ZDHHC14: variants seen among roughly 807,000 people sequenced by gnomAD.
ZDHHC14 encodes zDHHC palmitoyltransferase 14, also known as palmitoyltransferase ZDHHC14.
A neutral mutation model predicts 47.7 loss-of-function variants in ZDHHC14; 16 were observed. That is an observed-to-expected ratio of 0.34 (90% CI 0.23 to 0.51). The LOEUF is 0.51. Ranked by LOEUF, ZDHHC14 falls within the 20% of genes least tolerant of loss-of-function variation. The pLI is 0.97. For synonymous variants in ZDHHC14, 293 were observed against 278.9 expected, an observed-to-expected ratio of 1.05 and a Z score of -0.50; for missense variants, 515 against 662.5, an observed-to-expected ratio of 0.78 and a Z score of 2.44.
intron 1 of ZDHHC14, among the ~76,000 whole-genome samples, chr6:157,394,701 A>G (rs1181683441): frequency 6.6e-6 from 1 of 152,204 alleles, no homozygotes; most frequent in Non-Finnish European, 1.5e-5. Context: ...CGCTCTGCCT[A>G]AATTGTAGAG....
At chr6:157,584,710 C>T (rs1406715914) in intron 2 of ZDHHC14, among the ~76,000 whole-genome samples, 4 of 152,130 alleles carry the variant, frequency 2.6e-5, no homozygotes, top group African/African-American at 7.2e-5. Context: ...GCCCACATGC[C>T]GCACAGCCCC....
At chr6:157,431,380 GCTAA>G (rs1442056647) in intron 1 of ZDHHC14, among the ~76,000 whole-genome samples, 1 of 152,176 alleles carries the variant, frequency 6.6e-6, no homozygotes. Context: ...TCTTTGTTGG[GCTAA>G]CTGTGTACTT....
Position 157,619,146 on chromosome 6 carries a change from C to A in ZDHHC14, c.566-9203C>A, listed in dbSNP as rs368216002. Among the ~76,000 whole-genome samples the A allele has an allele frequency of 9.9e-5, 15 of 151,770 alleles. No homozygotes were observed. In the South Asian group the frequency reaches 3.1e-3, roughly 32 times the overall value. On this transcript the variant is annotated intron_variant, in intron 3 of 8. Transcript: ENST00000359775. Reference sequence around the variant, plus strand: ...TAAAAAACAGGATTTATGGGGAGGCCGAGGCAGGTGGATCACTTGAGATCA... The same window carrying A: ...TAAAAAACAGGATTTATGGGGAGGCAGAGGCAGGTGGATCACTTGAGATCA...
At chr6:157,389,712 A>T (rs180943836) in intron 1 of ZDHHC14, among the ~76,000 whole-genome samples, 32 of 152,334 alleles carry the variant, frequency 2.1e-4, no homozygotes, top group African/African-American at 6.7e-4. Flanking sequence ...ATCTCCAAAT[A>T]ATAGTATTAT....
intron 3 of ZDHHC14, among the ~76,000 whole-genome samples, chr6:157,615,490 C>T (rs764365779): frequency 6.6e-6 from 1 of 152,114 alleles, no homozygotes; most frequent in Non-Finnish European, 1.5e-5. Context: ...AATGTGTAGA[C>T]ACAATTGACT....
intron 1 of ZDHHC14, among the ~76,000 whole-genome samples, chr6:157,398,039 T>TCCCCAGCTCCCCAGCC (rs898826209): frequency 7.8e-6 from 1 of 127,494 alleles, no homozygotes; most frequent in African/African-American, 3.1e-5. Flanking sequence ...GCCCCCCAGC[T>TCCCCAGCTCCCCAGCC]CCCCAGCTCC....
At chr6:157,418,595 T>C (rs978634090) in intron 1 of ZDHHC14, among the ~76,000 whole-genome samples, 47 of 152,334 alleles carry the variant, frequency 3.1e-4, no homozygotes, top group Middle Eastern at 3.4e-3. Flanking sequence ...GGCTTGTTCA[T>C]ATTTTGGGAA....
intron 1 of ZDHHC14, among the ~76,000 whole-genome samples, chr6:157,435,834 C>G (rs1474426277): frequency 6.6e-6 from 1 of 152,232 alleles, no homozygotes; most frequent in Admixed American, 6.5e-5. Context: ...GCCATCATGC[C>G]TGGCCTCCTC....
intron 5 of ZDHHC14, among the ~76,000 whole-genome samples, chr6:157,637,299 G>A (rs1041582887): frequency 1.3e-5 from 2 of 152,140 alleles, no homozygotes; most frequent in African/African-American, 2.4e-5. Flanking sequence ...TCAGGGGTCT[G>A]GCCCGCAGAA....
chr6:157,465,808 G>C (rs1163691494), intron 1 of ZDHHC14, among the ~76,000 whole-genome samples: 2 of 152,156 alleles, frequency 1.3e-5, no homozygotes, highest in East Asian at 1.9e-4. Context: ...TTGGGAGGCT[G>C]AGGCAGGTGG....
intron 1 of ZDHHC14, among the ~76,000 whole-genome samples, chr6:157,384,324 C>T (rs1777270936): frequency 6.6e-6 from 1 of 152,208 alleles, no homozygotes; most frequent in Non-Finnish European, 1.5e-5. Flanking sequence ...AACATAGCTT[C>T]TAACCAAACC....
chr6:157,456,183 C>A (rs544745489), intron 1 of ZDHHC14, among the ~76,000 whole-genome samples: 1 of 152,178 alleles, frequency 6.6e-6, no homozygotes, highest in African/African-American at 2.4e-5. Context: ...GAGGCTGCCA[C>A]GGCGCGTGGC....
At chr6:157,423,070 G>A (rs1278467274) in intron 1 of ZDHHC14, among the ~76,000 whole-genome samples, 2 of 152,200 alleles carry the variant, frequency 1.3e-5, no homozygotes, top group Non-Finnish European at 2.9e-5. Flanking sequence ...TGCTTGTCAG[G>A]AGACACAAAC....
At chr6:157,505,610 G>C (rs1780305829) in intron 1 of ZDHHC14, among the ~76,000 whole-genome samples, 1 of 152,204 alleles carries the variant, frequency 6.6e-6, no homozygotes, top group Non-Finnish European at 1.5e-5. Flanking sequence ...GGGGGAACCA[G>C]TGGCTGTAAT....
intron 1 of ZDHHC14, among the ~76,000 whole-genome samples, chr6:157,440,696 A>G (rs1778544556): frequency 6.6e-6 from 1 of 152,236 alleles, no homozygotes; most frequent in African/African-American, 2.4e-5. Flanking sequence ...AAATTGTGGG[A>G]TGTTCATAAA....
intron 1 of ZDHHC14, among the ~76,000 whole-genome samples, chr6:157,440,462 T>A (rs1395079823): frequency 1.3e-5 from 2 of 152,166 alleles, no homozygotes; most frequent in African/African-American, 4.8e-5. Flanking sequence ...CTGGTGGGAA[T>A]GTAAAATATT....
intron 8 of ZDHHC14, among the ~76,000 whole-genome samples, chr6:157,671,408 T>C (rs948087393): frequency 6.6e-6 from 1 of 152,194 alleles, no homozygotes; most frequent in African/African-American, 2.4e-5. Context: ...CTTTATAGCT[T>C]GAGCACAGAG....
Position 157,647,290 on chromosome 6 carries a change from A to G in ZDHHC14, c.887A>G (p.Lys296Arg). Residue 296 changes from lysine to arginine, a missense_variant, in exon 7 of 9, where the codon AAA becomes AGA. This residue lies in a region of ZDHHC14 where 229 missense variants were observed against 351.5 expected (regional missense o/e 0.65). Coordinates refer to ENST00000359775, the MANE Select transcript of ZDHHC14 (RefSeq NM_024630.3). ...IKGSWSNKRG[K>R]ENYNPYSYGN... is the part of the protein sequence containing the mutation. Reference sequence around the variant, plus strand: ...GGATCCTGGTCAAATAAAAGAGGTAAAGAAAATTACAATCCCTACAGCTAC... The same window carrying G: ...GGATCCTGGTCAAATAAAAGAGGTAGAGAAAATTACAATCCCTACAGCTAC... The G allele has an allele frequency of 6.2e-7, 1 of 1,614,186 alleles. No individual in the cohort carries two copies. Among genetic ancestry groups the G allele is most frequent in the Non-Finnish European group, 8.5e-7 (1 of 1,180,024 alleles).
chr6:157,485,131 A>ATAAAG (rs1320100301), intron 1 of ZDHHC14, among the ~76,000 whole-genome samples: 1 of 152,160 alleles, frequency 6.6e-6, no homozygotes, highest in Non-Finnish European at 1.5e-5. Context: ...ATAAAATAAA[A>ATAAAG]TTAGGTAGAT....
Sources: allele counts gnomAD v4.1 joint callset (sites outside exome capture counted in the v4.1 genomes callset), GRCh38; gene constraint gnomAD v4.1.1; regional missense constraint gnomAD v4.1.1; transcripts MANE v1.5; gene names NCBI Gene and HGNC (gene_info 2026-07-23, HGNC 2026-07-21).